The following BICC1 variants were observed in gnomAD, a reference collection of about 807,000 sequenced individuals.
BICC1 encodes the protein BicC family RNA binding protein 1.
Under a neutral mutation model 111.0 loss-of-function variants are expected in BICC1, and 43 were observed. The ratio of observed to expected loss-of-function variants is 0.39; its 90% CI spans 0.30 to 0.50. The LOEUF is 0.50. Ranked by LOEUF, BICC1 falls within the 20% of genes least tolerant of loss-of-function variation. BICC1 has a pLI of 0.88. For synonymous variants in BICC1, 467 were observed against 434.4 expected, an observed-to-expected ratio of 1.07 and a Z score of -0.93; for missense variants, 1,091 against 1,203.2, an observed-to-expected ratio of 0.91 and a Z score of 1.38.
At chr10:58,742,159 C>CT (rs3076331) in intron 3 of BICC1, among the ~76,000 whole-genome samples, 3 of 152,198 alleles carry the variant, frequency 2.0e-5, no homozygotes, top group South Asian at 2.1e-4. Context: ...AGTTTGAAAA[C>CT]TTGTTTTTTT....
chr10:58,704,633 C>A (rs4367897), intron 3 of BICC1, among the ~76,000 whole-genome samples: 102,841 of 152,050 alleles, frequency 0.68, 38,360 homozygotes, highest in East Asian at 0.9. Flanking sequence ...AATTGTTGGT[C>A]TTTAGAGCTT....
chr10:58,778,215 A>C (rs796337831), intron 3 of BICC1, among the ~76,000 whole-genome samples: 5 of 152,240 alleles, frequency 3.3e-5, no homozygotes, highest in African/African-American at 1.2e-4. Flanking sequence ...TCTGTCTCAA[A>C]AAAGTAATTA....
chr10:58,565,150 G>A (rs913806299), intron 1 of BICC1, among the ~76,000 whole-genome samples: 7 of 152,092 alleles, frequency 4.6e-5, no homozygotes, highest in Non-Finnish European at 1.0e-4. Flanking sequence ...TGATAGAGAT[G>A]CATTTCATAT....
intron 1 of BICC1, among the ~76,000 whole-genome samples, chr10:58,561,604 CTGGTTGTTTTG>C (rs936505842): frequency 6.6e-6 from 1 of 151,880 alleles, no homozygotes; most frequent in Admixed American, 6.6e-5. Context: ...TTGTTGTTTT[CTGGTTGTTTTG>C]TGTATCATTT....
chr10:58,530,605 C>G (rs1468754358), intron 1 of BICC1, among the ~76,000 whole-genome samples: 1 of 150,560 alleles, frequency 6.6e-6, no homozygotes, highest in Non-Finnish European at 1.5e-5. Context: ...TTTACTGTAG[C>G]CTCGCTGGAA....
chr10:58,801,959 G>A (rs922655590), intron 14 of BICC1, among the ~76,000 whole-genome samples: 1 of 152,164 alleles, frequency 6.6e-6, no homozygotes, highest in Non-Finnish European at 1.5e-5. Context: ...TGTCATCACT[G>A]AGTATGTCCT....
intron 1 of BICC1, among the ~76,000 whole-genome samples, chr10:58,581,992 C>G (rs565578101): frequency 9.2e-5 from 14 of 152,152 alleles, no homozygotes; most frequent in African/African-American, 2.9e-4. Flanking sequence ...CATATACATG[C>G]ATATGTATGT....
upstream of BICC1, among the ~76,000 whole-genome samples, chr10:58,512,301 C>T (rs1161683609): frequency 6.6e-6 from 1 of 152,128 alleles, no homozygotes; most frequent in African/African-American, 2.4e-5. Context: ...ATGCGAGCCA[C>T]GTCCATGGCG....
At position 58,820,458 on chromosome 10, in the gene BICC1, T is replaced by C; in HGVS notation, c.2784T>C (p.Leu928=). The C allele has an allele frequency of 6.2e-7, 1 of 1,603,954 alleles. No individual in the cohort carries two copies. Among genetic ancestry groups the C allele is most frequent in the Non-Finnish European group, 8.5e-7 (1 of 1,171,338 alleles). ...TTFGARRKML[L]AISELNKNRR... ...TTGGTGCCAGGAGGAAAATGCTGCT[T>C]GCAATTTCAGGTGAATATAAATATT... Residue 928 remains leucine (L), a synonymous_variant, in exon 20 of 21, where the codon CTT becomes CTC. Transcript: ENST00000373886.
At chr10:58,762,740 T>G (rs978215310) in intron 3 of BICC1, among the ~76,000 whole-genome samples, 5 of 151,834 alleles carry the variant, frequency 3.3e-5, no homozygotes, top group African/African-American at 1.2e-4. Flanking sequence ...ACATGAAAAT[T>G]AACATCAGTT....
intron 3 of BICC1, among the ~76,000 whole-genome samples, chr10:58,759,587 C>T (rs1842247400): frequency 6.6e-6 from 1 of 152,088 alleles, no homozygotes; most frequent in East Asian, 1.9e-4. Flanking sequence ...TACAATATTT[C>T]CTGTTTACTC....
chr10:58,817,780 C>G (rs906633576), intron 19 of BICC1, 58 bp downstream of exon 19: 24 of 1,501,374 alleles, frequency 1.6e-5, no homozygotes, highest in Admixed American at 2.0e-5. Flanking sequence ...ATGATGACTT[C>G]TAGAATGAAA....
intron 3 of BICC1, among the ~76,000 whole-genome samples, chr10:58,779,012 C>T (rs942433217): frequency 1.3e-5 from 2 of 152,072 alleles, no homozygotes; most frequent in African/African-American, 4.8e-5. Flanking sequence ...TTCAGGTGTT[C>T]TCCATCTCTT....
intron 2 of BICC1, among the ~76,000 whole-genome samples, chr10:58,701,321 C>T (rs973824066): frequency 1.3e-5 from 2 of 152,068 alleles, no homozygotes; most frequent in African/African-American, 2.4e-5. Context: ...GTGTAATTCA[C>T]GTAAAATTAG....
chr10:58,718,323 AT>A (rs952673620), intron 3 of BICC1, among the ~76,000 whole-genome samples: 3 of 152,132 alleles, frequency 2.0e-5, no homozygotes, highest in African/African-American at 7.2e-5. Flanking sequence ...CATCACTTTT[AT>A]AAGGGCACTA....
intron 2 of BICC1, among the ~76,000 whole-genome samples, chr10:58,622,130 C>G (rs1845838247): frequency 7.1e-6 from 1 of 140,938 alleles, no homozygotes; most frequent in South Asian, 2.3e-4. Context: ...TGCAGTGAGC[C>G]ATGATCGTGC....
intron 1 of BICC1, among the ~76,000 whole-genome samples, chr10:58,560,506 CTG>C (rs1843575340): frequency 6.6e-6 from 1 of 151,758 alleles, no homozygotes; most frequent in African/African-American, 2.4e-5. Context: ...CTTCAAACAA[CTG>C]TATTTCGATT....
intron 2 of BICC1, among the ~76,000 whole-genome samples, chr10:58,683,123 C>A (rs1839592685): frequency 6.6e-6 from 1 of 152,174 alleles, no homozygotes; most frequent in Non-Finnish European, 1.5e-5. Context: ...TTCCCAGCAC[C>A]ATTTATTAAA....
intron 2 of BICC1, among the ~76,000 whole-genome samples, chr10:58,680,859 A>T (rs190046903): frequency 2.2e-3 from 332 of 152,344 alleles, no homozygotes; most frequent in African/African-American, 7.4e-3. Flanking sequence ...AGGCCTCTGA[A>T]ATAGGTCCAC....
Sources: gnomAD v4.1 joint callset for allele counts (sites outside exome capture counted in the v4.1 genomes callset) on GRCh38, gnomAD v4.1.1 for gene constraint, MANE v1.5 for transcripts, NCBI Gene and HGNC (gene_info 2026-07-23, HGNC 2026-07-21) for gene names.